BRD4: variants seen among roughly 807,000 people sequenced by gnomAD.
The protein encoded by BRD4 is bromodomain-containing protein 4.
In BRD4, 16 loss-of-function variants were observed where a neutral mutation model predicts 142.1. That is an observed-to-expected ratio of 0.11 (90% CI 0.08 to 0.17). The LOEUF (loss-of-function observed/expected upper bound fraction) is 0.17. BRD4 is among the 10% of genes least tolerant of loss of function. The pLI, the probability that BRD4 is intolerant of heterozygous loss-of-function variation, is 1.00. For synonymous variants in BRD4, 833 were observed against 707.5 expected (o/e 1.18, Z -2.82); for missense variants, 1,424 against 1,810.9 (o/e 0.79, Z 3.88).
chr19:15,250,051 C>T (rs565034499), intron 11 of BRD4, among the ~76,000 whole-genome samples: 7 of 152,168 alleles, frequency 4.6e-5, no homozygotes, highest in Non-Finnish European at 5.9e-5. Context: ...ACCCACGTAG[C>T]AGAGCGGATG....
At chr19:15,269,139 G>A (rs763449741) in intron 2 of BRD4, 97 bp from the exon 3 acceptor site, 149 of 1,398,844 alleles carry the variant, frequency 1.1e-4, no homozygotes, top group Non-Finnish European at 1.4e-4. Context: ...ACCCCTGGCT[G>A]CTCCACAGGT....
intron 1 of BRD4, among the ~76,000 whole-genome samples, chr19:15,291,053 G>GT (rs1407084123): frequency 6.6e-6 from 1 of 152,148 alleles, no homozygotes; most frequent in Non-Finnish European, 1.5e-5. Context: ...ATGGGTTATG[G>GT]TAACTGTGAC....
At chr19:15,321,162 G>C (rs2048058121) in intron 1 of BRD4, among the ~76,000 whole-genome samples, 1 of 151,948 alleles carries the variant, frequency 6.6e-6, no homozygotes. Flanking sequence ...TGACCCAGGA[G>C]GCAGTGAGCC....
intron 1 of BRD4, among the ~76,000 whole-genome samples, chr19:15,312,248 T>C (rs943309063): frequency 2.0e-5 from 3 of 152,132 alleles, no homozygotes; most frequent in Non-Finnish European, 4.4e-5. Flanking sequence ...TTGTAATCCC[T>C]GCAGTTTGAG....
chr19:15,328,668 T>C (rs1157389489), intron 1 of BRD4, among the ~76,000 whole-genome samples: 1 of 152,254 alleles, frequency 6.6e-6, no homozygotes, highest in East Asian at 1.9e-4. Context: ...TTCTCCCGTT[T>C]ATTCATTGAG....
chr19:15,276,256 G>A (rs1325741645), intron 1 of BRD4, among the ~76,000 whole-genome samples: 1 of 152,222 alleles, frequency 6.6e-6, no homozygotes, highest in Non-Finnish European at 1.5e-5. Flanking sequence ...TATGGGGCAA[G>A]AAAGAGAGGT....
intron 7 of BRD4, among the ~76,000 whole-genome samples, chr19:15,260,034 G>GAC (rs2047452612): frequency 1.3e-5 from 2 of 152,188 alleles, no homozygotes; most frequent in Non-Finnish European, 1.5e-5. Context: ...CTGTTGGGCT[G>GAC]ACAGTCTCTT....
intron 2 of BRD4, among the ~76,000 whole-genome samples, chr19:15,269,317 GCA>G (rs1443876273): frequency 6.6e-6 from 1 of 152,202 alleles, no homozygotes; most frequent in Non-Finnish European, 1.5e-5. Context: ...TCATTGAAAT[GCA>G]CATTTTTTCT....
At chr19:15,289,388 C>A (rs2047763993) in intron 1 of BRD4, among the ~76,000 whole-genome samples, 1 of 152,032 alleles carries the variant, frequency 6.6e-6, no homozygotes. Context: ...CCCGTCTCTA[C>A]TAAAAATATA....
At chr19:15,324,575 A>T (rs1444436650) in intron 1 of BRD4, among the ~76,000 whole-genome samples, 2 of 152,220 alleles carry the variant, frequency 1.3e-5, no homozygotes, top group Non-Finnish European at 2.9e-5. Flanking sequence ...CCTTTCACCA[A>T]GCCCAGATGC....
At chr19:15,305,627 T>A (rs868302328) in intron 1 of BRD4, among the ~76,000 whole-genome samples, 2 of 152,328 alleles carry the variant, frequency 1.3e-5, no homozygotes, top group Middle Eastern at 3.4e-3. Context: ...AGAGTAGATT[T>A]AGCATAATTT....
intron 6 of BRD4, among the ~76,000 whole-genome samples, chr19:15,263,773 G>A (rs2047500326): frequency 6.6e-6 from 1 of 152,158 alleles, no homozygotes; most frequent in African/African-American, 2.4e-5. Context: ...CAGGCAGGTG[G>A]ACTCAGAACC....
intron 1 of BRD4, among the ~76,000 whole-genome samples, chr19:15,324,209 G>A (rs1314320990): frequency 6.6e-6 from 1 of 152,100 alleles, no homozygotes; most frequent in Non-Finnish European, 1.5e-5. Flanking sequence ...TGCCTGGGGA[G>A]GGGGGAAGGG....
At chr19:15,279,405 C>T (rs1045737549) in intron 1 of BRD4, among the ~76,000 whole-genome samples, 1 of 152,164 alleles carries the variant, frequency 6.6e-6, no homozygotes, top group Non-Finnish European at 1.5e-5. Context: ...ATGATGGAGT[C>T]CCTACTTGCA....
At chr19:15,300,776 C>A (rs1300699111) in intron 1 of BRD4, among the ~76,000 whole-genome samples, 1 of 152,114 alleles carries the variant, frequency 6.6e-6, no homozygotes, top group East Asian at 1.9e-4. Flanking sequence ...AAAACCCTGA[C>A]AATACCAAGT....
At chr19:15,324,726 T>C (rs570950187) in intron 1 of BRD4, among the ~76,000 whole-genome samples, 3 of 152,222 alleles carry the variant, frequency 2.0e-5, no homozygotes, top group Non-Finnish European at 4.4e-5. Flanking sequence ...TTTCATAAGA[T>C]GGGTAAGTTA....
chr19:15,238,785 C>A lies in BRD4; in HGVS notation c.3978G>T (p.Glu1326Asp), dbSNP rs201443971. The A allele has an allele frequency of 8.2e-4, 1,300 of 1,584,550 alleles. 14 individuals are homozygous for A. The Admixed American group carries it at 0.018, about 22-fold the overall frequency. The change falls in exon 19 of 20, where the codon GAG becomes GAT. Residue 1326 changes from glutamate (E) to aspartate (D), a missense_variant. Physicochemically the swap from Glu to Asp is conservative, Grantham distance 45 (BLOSUM62 2). This residue lies in a region of BRD4 where 109 missense variants were observed against 117.9 expected (regional missense o/e 0.92). Transcript: ENST00000679869. The surrounding 1 kb of genome is among the most constrained non-coding windows in gnomAD (Gnocchi z 7.2). The part of the protein sequence containing the change: ...QPQSMLDQQR[E>D]LARKREQERR... ...GCTCCTGCTCCCGCTTCCGGGCCAA[C>A]TCCCTCTGCTGGTCCAGCATGGACT... is the stretch of plus-strand genomic sequence containing the variant.
At chr19:15,315,515 G>A (rs528189791) in intron 1 of BRD4, among the ~76,000 whole-genome samples, 4 of 152,126 alleles carry the variant, frequency 2.6e-5, no homozygotes, top group Non-Finnish European at 5.9e-5. Flanking sequence ...GGGATTGGGG[G>A]GGGGAAGCAC....
intron 11 of BRD4, chr19:15,253,386 C>T (rs1047781449): frequency 7.2e-5 from 46 of 634,682 alleles, no homozygotes; most frequent in Non-Finnish European, 1.2e-4. Flanking sequence ...ACCTGGCACC[C>T]AGCATCACTA....
Sources: allele counts gnomAD v4.1 joint callset (sites outside exome capture counted in the v4.1 genomes callset), GRCh38; gene constraint gnomAD v4.1.1; regional missense constraint gnomAD v4.1.1; non-coding constraint Gnocchi (gnomAD v3.1); transcripts MANE v1.5; gene names NCBI Gene and HGNC (gene_info 2026-07-23, HGNC 2026-07-21).